Variants in TXLNB observed in about 807,000 individuals in gnomAD.
TXLNB encodes the protein taxilin beta.
A neutral mutation model predicts 57.4 loss-of-function variants in TXLNB; 37 were observed. That is an observed-to-expected ratio of 0.64 (90% CI 0.50 to 0.85). The LOEUF is 0.85. TXLNB is among the 40% of genes least tolerant of loss of function. The pLI is 0.00. For missense variants in TXLNB, 848 were observed against 825.6 expected (o/e 1.03, Z -0.33); for synonymous variants, 302 against 309.6 (o/e 0.98, Z 0.26).
chr6:139,292,441 A>G (rs1198513623), upstream of TXLNB, among the ~76,000 whole-genome samples: 2 of 152,040 alleles, frequency 1.3e-5, no homozygotes, highest in East Asian at 3.9e-4. This position sits in a 1 kb window ranked among gnomAD's most constrained non-coding sequence, Gnocchi z 4.0. Context: ...TTCTTGCACT[A>G]GCTTAATTAG....
the TXLNB span, among the ~76,000 whole-genome samples, chr6:139,221,988 C>T: frequency 2.5e-4 from 38 of 151,446 alleles, 2 homozygotes; most frequent in Admixed American, 2.5e-3. Context: ...AAATAGCTAA[C>T]AGAGAGGGGA....
chr6:139,265,050 C>A (rs567892036), intron 4 of TXLNB, among the ~76,000 whole-genome samples: 92 of 152,260 alleles, frequency 6.0e-4, no homozygotes, highest in African/African-American at 2.0e-3. Context: ...AACAAAAAAA[C>A]CTTGCAAGCA....
Position 139,266,965 on chromosome 6 carries a change from GA to G in TXLNB, c.687+3490del, listed in dbSNP as rs201223278. 6.3e-3 allele frequency among the ~76,000 whole-genome samples: 691 copies of G among 110,452 alleles called. 1 individual carries two copies. The highest frequency in any genetic ancestry group is 0.022 in the Middle Eastern group (4 of 186). 72.5% of individuals were successfully genotyped at this position (110,452 alleles called of 152,430 possible). The stretch of plus-strand genomic sequence containing the variant: ...TGGCACATTTATTTAAGGCTAAAAG[GA>G]AAAAAAAAAAAAAAACCCACGAATA... On this transcript the variant is annotated intron_variant, in intron 4 of 9. Coordinates refer to ENST00000358430, the MANE Select transcript of TXLNB (RefSeq NM_153235.4).
At chr6:139,258,407 A>C (rs1236200853) in intron 6 of TXLNB, among the ~76,000 whole-genome samples, 2 of 152,182 alleles carry the variant, frequency 1.3e-5, no homozygotes, top group Non-Finnish European at 2.9e-5. Context: ...CCAATGGTGG[A>C]ATTTCTATTC....
the TXLNB span, among the ~76,000 whole-genome samples, chr6:139,228,595 A>G: frequency 6.6e-6 from 1 of 151,266 alleles, no homozygotes; most frequent in East Asian, 1.9e-4. Flanking sequence ...GGGCTGAAAT[A>G]TGGTTACCAG....
chr6:139,217,597 G>A, the TXLNB span, among the ~76,000 whole-genome samples: 9 of 152,194 alleles, frequency 5.9e-5, no homozygotes, highest in Non-Finnish European at 8.8e-5. Context: ...GGCTGGGCGT[G>A]GCGGCTCACA....
the TXLNB span, among the ~76,000 whole-genome samples, chr6:139,189,631 C>T: frequency 6.6e-6 from 1 of 152,172 alleles, no homozygotes; most frequent in Non-Finnish European, 1.5e-5. Flanking sequence ...AAAATACAAA[C>T]TTCCAGGTCA....
chr6:139,245,907 G>T (rs1352177689), intron 8 of TXLNB, among the ~76,000 whole-genome samples: 1 of 151,982 alleles, frequency 6.6e-6, no homozygotes. Context: ...TTGGCCAGGC[G>T]GTCTTGAGCT....
intron 3 of TXLNB, among the ~76,000 whole-genome samples, chr6:139,275,185 T>C (rs1776862968): frequency 6.6e-6 from 1 of 152,158 alleles, no homozygotes; most frequent in Non-Finnish European, 1.5e-5. Context: ...ACAAAGCTAA[T>C]ACGTGATGAT....
chr6:139,304,940 C>T, the TXLNB span, among the ~76,000 whole-genome samples: 1 of 152,158 alleles, frequency 6.6e-6, no homozygotes, highest in African/African-American at 2.4e-5. Flanking sequence ...TAGGTGGGTG[C>T]TTTTTTGTGT....
chr6:139,320,976 C>G, the TXLNB span, among the ~76,000 whole-genome samples: 3 of 152,178 alleles, frequency 2.0e-5, no homozygotes, highest in South Asian at 4.2e-4. Flanking sequence ...TGGGACAGCA[C>G]AGCAGAGAAG....
chr6:139,284,886 CA>C (rs1344196379), intron 2 of TXLNB, among the ~76,000 whole-genome samples: 2 of 146,118 alleles, frequency 1.4e-5, no homozygotes, highest in East Asian at 3.9e-4. Context: ...ATGGTGGTTA[CA>C]AGTTGAGGTT....
chr6:139,182,294 T>C, the TXLNB span, among the ~76,000 whole-genome samples: 3 of 152,216 alleles, frequency 2.0e-5, no homozygotes, highest in African/African-American at 4.8e-5. Flanking sequence ...TAAAGCCTTA[T>C]AAAGGACTTG....
the TXLNB span, among the ~76,000 whole-genome samples, chr6:139,222,042 A>G: frequency 2.0e-5 from 3 of 152,194 alleles, no homozygotes; most frequent in Admixed American, 2.0e-4. Flanking sequence ...AAATTTAAAA[A>G]GAAAGGAATA....
At chr6:139,225,764 TA>T in the TXLNB span, among the ~76,000 whole-genome samples, 108 of 152,286 alleles carry the variant, frequency 7.1e-4, no homozygotes, top group African/African-American at 2.4e-3. Flanking sequence ...ATTTATACAT[TA>T]AATTCAATCC....
Position 139,242,944 on chromosome 6 carries a change from A to G in TXLNB, c.1637T>C (p.Leu546Pro). 1 of 1,614,156 alleles carries G rather than the reference A, an allele frequency of 6.2e-7. No individual in the cohort carries two copies. Among genetic ancestry groups the G allele is most frequent in the South Asian group, 1.1e-5 (1 of 91,086 alleles). The stretch of plus-strand genomic sequence containing the variant: ...ACTCTCTGAATCCCGTGAAGGGATC[A>G]GAGGGGGTTGCTCTGGCTCCTTGAG... ...AALKEPEQPP[L>P]IPSRDSESPL... Residue 546 changes from leucine (L) to proline (P), a missense_variant, in exon 10 of 10, where the codon CTG (leucine) becomes CCG (proline). By Grantham distance (98) the Leu-to-Pro change is moderately conservative. Coordinates refer to ENST00000358430, the MANE Select transcript of TXLNB (RefSeq NM_153235.4).
At chr6:139,305,578 A>G in the TXLNB span, among the ~76,000 whole-genome samples, 1 of 152,218 alleles carries the variant, frequency 6.6e-6, no homozygotes, top group East Asian at 1.9e-4. Context: ...TTATCAGTTT[A>G]TAAATTGTTA....
intron 3 of TXLNB, among the ~76,000 whole-genome samples, chr6:139,274,435 T>A (rs980763124): frequency 3.3e-5 from 5 of 152,216 alleles, no homozygotes; most frequent in Non-Finnish European, 5.9e-5. Flanking sequence ...GAAAAGGAAA[T>A]GTGATAAGTT....
downstream of TXLNB, chr6:139,237,523 A>AAAAAAG (rs1775849784): frequency 6.6e-6 from 1 of 151,838 alleles, no homozygotes; most frequent in Non-Finnish European, 1.5e-5. Flanking sequence ...AAAAAAAAAA[A>AAAAAAG]AAAGAAAAGA....
Sources: gnomAD v4.1 joint callset for allele counts (sites outside exome capture counted in the v4.1 genomes callset) on GRCh38, gnomAD v4.1.1 for gene constraint, Gnocchi (gnomAD v3.1) non-coding constraint, MANE v1.5 for transcripts, NCBI Gene and HGNC (gene_info 2026-07-23, HGNC 2026-07-21) for gene names.